MACROD2: variants seen among roughly 807,000 people sequenced by gnomAD.
MACROD2 encodes mono-ADP ribosylhydrolase 2, also known as ADP-ribose glycohydrolase MACROD2.
Under a neutral mutation model 70.4 loss-of-function variants are expected in MACROD2, and 36 were observed. The ratio of observed to expected loss-of-function variants is 0.51; its 90% CI spans 0.39 to 0.68. The LOEUF (loss-of-function observed/expected upper bound fraction) is 0.68, where lower values mean the gene tolerates loss of function less well. Ranked by LOEUF, MACROD2 falls within the 30% of genes least tolerant of loss-of-function variation. The pLI, the probability that MACROD2 is intolerant of heterozygous loss-of-function variation, is 0.00. For missense variants in MACROD2, 496 were observed against 538.4 expected (o/e 0.92, Z 0.78); for synonymous variants, 172 against 178.8 (o/e 0.96, Z 0.30).
At chr20:15,488,673 C>G (rs2047191048) in intron 7 of MACROD2, among the ~76,000 whole-genome samples, 1 of 152,132 alleles carries the variant, frequency 6.6e-6, no homozygotes, top group African/African-American at 2.4e-5. Flanking sequence ...TCGAATGCCA[C>G]CCATTCAATA....
chr20:14,222,472 A>G (rs6042595), intron 3 of MACROD2, among the ~76,000 whole-genome samples: 3,303 of 152,214 alleles, frequency 0.022, 134 homozygotes, highest in African/African-American at 0.075. Context: ...ATGATATGCA[A>G]TGGACACTAG....
intron 5 of MACROD2, among the ~76,000 whole-genome samples, chr20:14,821,619 T>C (rs1392256619): frequency 6.6e-6 from 1 of 152,144 alleles, no homozygotes; most frequent in Non-Finnish European, 1.5e-5. Context: ...TTTCTTTCTC[T>C]TTTGTTTTCC....
chr20:15,275,154 T>C (rs930164524), intron 6 of MACROD2, among the ~76,000 whole-genome samples: 25 of 152,232 alleles, frequency 1.6e-4, no homozygotes, highest in African/African-American at 5.5e-4. Context: ...CATTCTGCTT[T>C]AATTGGCATG....
chr20:14,295,091 A>G (rs1357219477), intron 3 of MACROD2, among the ~76,000 whole-genome samples: 1 of 151,862 alleles, frequency 6.6e-6, no homozygotes, highest in African/African-American at 2.4e-5. Context: ...CCCAGAAATT[A>G]TATCACTTAG....
chr20:15,696,552 G>T (rs1348859980), intron 8 of MACROD2, among the ~76,000 whole-genome samples: 2 of 152,036 alleles, frequency 1.3e-5, no homozygotes, highest in African/African-American at 4.8e-5. Flanking sequence ...GGTGATGCTG[G>T]CTTCATAGAA....
chr20:14,950,803 A>T (rs1341566950), intron 5 of MACROD2, among the ~76,000 whole-genome samples: 1 of 152,100 alleles, frequency 6.6e-6, no homozygotes, highest in African/African-American at 2.4e-5. Flanking sequence ...TTTAGGGAGA[A>T]TGTTTTAGTG....
intron 8 of MACROD2, among the ~76,000 whole-genome samples, chr20:15,742,950 A>G (rs549681853): frequency 6.6e-6 from 1 of 152,348 alleles, no homozygotes; most frequent in African/African-American, 2.4e-5. Flanking sequence ...GTACCTTATT[A>G]AGTGCCTTGT....
chr20:15,713,989 A>ACACACGCG (rs751813377), intron 8 of MACROD2, among the ~76,000 whole-genome samples: 8 of 99,016 alleles, frequency 8.1e-5, no homozygotes, highest in African/African-American at 3.9e-4. Context: ...ACACATATGC[A>ACACACGCG]CACACACACA....
At chr20:15,228,621 C>A (rs570923629) in intron 5 of MACROD2, among the ~76,000 whole-genome samples, 69 of 151,378 alleles carry the variant, frequency 4.6e-4, no homozygotes, top group Middle Eastern at 3.4e-3. Flanking sequence ...TCCCGAGTAG[C>A]TGGGACTACA....
At chr20:15,798,440 G>A (rs2063694927) in intron 8 of MACROD2, among the ~76,000 whole-genome samples, 1 of 152,120 alleles carries the variant, frequency 6.6e-6, no homozygotes, top group African/African-American at 2.4e-5. Context: ...TGGTGTCTGA[G>A]TTCTAAGAGG....
At chr20:14,332,194 A>C (rs1392526095) in intron 3 of MACROD2, among the ~76,000 whole-genome samples, 1 of 152,094 alleles carries the variant, frequency 6.6e-6, no homozygotes, top group Non-Finnish European at 1.5e-5. Context: ...TTTACAAATA[A>C]AAATTGTGGG....
intron 6 of MACROD2, among the ~76,000 whole-genome samples, chr20:15,355,798 C>G (rs1214642140): frequency 6.6e-6 from 1 of 152,126 alleles, no homozygotes; most frequent in Non-Finnish European, 1.5e-5. Context: ...GGACAAATAC[C>G]ATTTATATTC....
chr20:15,935,873 A>G (rs576225251), intron 11 of MACROD2, among the ~76,000 whole-genome samples: 48 of 152,328 alleles, frequency 3.2e-4, no homozygotes, highest in African/African-American at 1.2e-3. Flanking sequence ...GAAACATAGA[A>G]GGAATGCCCA....
chr20:15,869,641 CTT>C lies in MACROD2; in HGVS notation c.727+6816_727+6817del, dbSNP rs1323816957. Among the ~76,000 whole-genome samples, 37 of 152,084 alleles carry C rather than the reference CTT, an allele frequency of 2.4e-4. 1 individual carries two copies. ...TGTTTTGTAGTTAGAACTAGGTAAA[CTT>C]AATCCATAGGAGTTATAAGTTTATA... On this transcript the variant is annotated intron_variant, in intron 9 of 17. Coordinates refer to ENST00000684519, the MANE Select transcript of MACROD2 (RefSeq NM_001351661.2).
At chr20:15,579,718 T>A (rs1568906475) in intron 8 of MACROD2, among the ~76,000 whole-genome samples, 1 of 152,220 alleles carries the variant, frequency 6.6e-6, no homozygotes, top group African/African-American at 2.4e-5. Flanking sequence ...GTAGTCAGAT[T>A]TCATGGAAGT....
intron 8 of MACROD2, among the ~76,000 whole-genome samples, chr20:15,591,045 C>T (rs1175269452): frequency 6.6e-6 from 1 of 152,128 alleles, no homozygotes; most frequent in Non-Finnish European, 1.5e-5. Context: ...AGATTTGTAA[C>T]TATTTTCTTT....
rs547415826 is a variant in MACROD2 at position 15,829,479 on chromosome 20, G to A, written c.646-33266G>A. ...CCAGGCCGTAGATACTATAAACTAC[G>A]TGTAATGACAACTGTGATCTCCTGG... On this transcript the variant is annotated intron_variant, in intron 8 of 17. Coordinates refer to ENST00000684519, the MANE Select transcript of MACROD2 (RefSeq NM_001351661.2). 3.9e-5 allele frequency among the ~76,000 whole-genome samples: 6 copies of A among 152,188 alleles called. No individual in the cohort carries two copies. In the East Asian group the frequency reaches 9.7e-4, roughly 25 times the overall value.
intron 2 of MACROD2, among the ~76,000 whole-genome samples, chr20:14,019,063 TCC>T (rs1455889495): frequency 4.4e-4 from 67 of 152,300 alleles, no homozygotes; most frequent in African/African-American, 1.6e-3. Flanking sequence ...AACAGGGCAC[TCC>T]TTGCTTCTTA....
intron 5 of MACROD2, among the ~76,000 whole-genome samples, chr20:14,787,122 T>C (rs2072384342): frequency 6.6e-6 from 1 of 152,138 alleles, no homozygotes; most frequent in Non-Finnish European, 1.5e-5. Flanking sequence ...ATCTGTCATG[T>C]ACAATATGAT....
Sources: allele counts gnomAD v4.1 joint callset (sites outside exome capture counted in the v4.1 genomes callset), GRCh38; gene constraint gnomAD v4.1.1; transcripts MANE v1.5; gene names NCBI Gene and HGNC (gene_info 2026-07-23, HGNC 2026-07-21).